The following SH2D4B variants were observed in gnomAD, a reference collection of about 807,000 sequenced individuals.
SH2D4B encodes SH2 domain containing 4B, also known as SH2 domain-containing protein 4B.
A neutral mutation model predicts 61.5 loss-of-function variants in SH2D4B; 45 were observed. That is an observed-to-expected ratio of 0.73 (90% confidence interval 0.58 to 0.94). The LOEUF (loss-of-function observed/expected upper bound fraction) is 0.94. SH2D4B is among the 40% of genes least tolerant of loss of function. The probability of loss-of-function intolerance (pLI) is 0.00; values close to 1 mark genes in which losing one functional copy is unlikely to be tolerated. For synonymous variants in SH2D4B, 224 were observed against 220.4 expected, an observed-to-expected ratio of 1.02 and a Z score of -0.14; for missense variants, 572 against 574.2, an observed-to-expected ratio of 1.00 and a Z score of 0.04.
chr10:80,579,227 A>G (rs1220992786), intron 3 of SH2D4B, among the ~76,000 whole-genome samples: 1 of 152,152 alleles, frequency 6.6e-6, no homozygotes, highest in African/African-American at 2.4e-5. Flanking sequence ...GTCATGGAAA[A>G]GGTAATAATG....
chr10:80,542,398 CTTTTTTT>C (rs554328250), intron 1 of SH2D4B, among the ~76,000 whole-genome samples: 1 of 119,380 alleles, frequency 8.4e-6, no homozygotes, highest in African/African-American at 4.0e-5. Context: ...TCAGTTCTAT[CTTTTTTT>C]TTTTTTTTTT....
intron 1 of SH2D4B, among the ~76,000 whole-genome samples, chr10:80,567,081 C>T (rs895373475): frequency 6.6e-6 from 1 of 152,132 alleles, no homozygotes. Context: ...TTCTGTGTGG[C>T]TTGCTTTCGA....
At chr10:80,640,860 G>T (rs960211701) in intron 7 of SH2D4B, among the ~76,000 whole-genome samples, 3 of 152,174 alleles carry the variant, frequency 2.0e-5, no homozygotes, top group Admixed American at 2.0e-4. Context: ...TCCTTTAGAG[G>T]AGAAGAGGCG....
intron 4 of SH2D4B, among the ~76,000 whole-genome samples, chr10:80,602,474 A>G (rs1302779667): frequency 6.6e-6 from 1 of 152,178 alleles, no homozygotes; most frequent in East Asian, 1.9e-4. Flanking sequence ...AAAAATGAAT[A>G]TATACACATC....
intron 1 of SH2D4B, among the ~76,000 whole-genome samples, chr10:80,543,901 A>T (rs563752763): frequency 5.3e-5 from 8 of 151,780 alleles, no homozygotes; most frequent in African/African-American, 1.7e-4. Context: ...TCTGGTGGGG[A>T]TGTGGAGAAC....
intron 6 of SH2D4B, among the ~76,000 whole-genome samples, chr10:80,620,128 T>C (rs917192297): frequency 6.6e-6 from 1 of 152,240 alleles, no homozygotes; most frequent in Admixed American, 6.5e-5. Context: ...AAGGCTGATA[T>C]GGTTGGGCTC....
At chr10:80,603,821 G>A (rs1220637363) in intron 5 of SH2D4B, 26 bp downstream of exon 5, 5 of 1,595,502 alleles carry the variant, frequency 3.1e-6, no homozygotes, top group East Asian at 2.2e-5. Context: ...GTGTTGGTGT[G>A]GTTGGGGCAA....
Position 80,598,516 on chromosome 10 carries a change from C to G in SH2D4B, c.644-5063C>G, listed in dbSNP as rs1589350932. The stretch of plus-strand genomic sequence containing the variant: ...AGAATGATGAGTTAAACTCCAGAGC[C>G]TGTCATTCACATTCAACAAAACCAT... On this transcript the variant is annotated intron_variant, in intron 4 of 7. Coordinates refer to ENST00000646907, the MANE Select transcript of SH2D4B (RefSeq NM_001388272.1). Among the ~76,000 whole-genome samples, 3 of 152,294 alleles carry G rather than the reference C, an allele frequency of 2.0e-5. No individual in the cohort carries two copies. The South Asian group carries it at 6.2e-4, about 32-fold the overall frequency.
At chr10:80,605,031 G>T (rs1437708083) in intron 5 of SH2D4B, among the ~76,000 whole-genome samples, 1 of 152,160 alleles carries the variant, frequency 6.6e-6, no homozygotes, top group East Asian at 1.9e-4. Context: ...CTGACCTTGT[G>T]ATCTGCCCAC....
At chr10:80,587,063 T>G (rs1352923979) in intron 3 of SH2D4B, among the ~76,000 whole-genome samples, 2 of 148,402 alleles carry the variant, frequency 1.3e-5, no homozygotes, top group Non-Finnish European at 3.0e-5. Context: ...ACTGTAACAC[T>G]CACCTCGAGG....
chr10:80,610,590 C>T (rs1183863686), intron 6 of SH2D4B, among the ~76,000 whole-genome samples: 1 of 152,184 alleles, frequency 6.6e-6, no homozygotes, highest in African/African-American at 2.4e-5. Flanking sequence ...TTAGGCCTCT[C>T]TGTATTCAGC....
intron 4 of SH2D4B, among the ~76,000 whole-genome samples, chr10:80,589,127 C>A (rs1037873989): frequency 2.0e-5 from 3 of 151,990 alleles, no homozygotes; most frequent in African/African-American, 7.2e-5. Context: ...CCTCAGCCTC[C>A]CAAGTAGCTG....
At chr10:80,635,993 C>T (rs550130883) in intron 7 of SH2D4B, among the ~76,000 whole-genome samples, 42 of 152,296 alleles carry the variant, frequency 2.8e-4, no homozygotes, top group Non-Finnish European at 4.9e-4. Flanking sequence ...GTTCCCTGCC[C>T]TGTGTCCAAG....
intron 6 of SH2D4B, among the ~76,000 whole-genome samples, chr10:80,616,107 A>G (rs1842657001): frequency 6.9e-6 from 1 of 145,074 alleles, no homozygotes; most frequent in African/African-American, 2.9e-5. Flanking sequence ...TAGCCTTCCA[A>G]AAAAAAAGTG....
chr10:80,616,009 A>G (rs1842655870), intron 6 of SH2D4B, among the ~76,000 whole-genome samples: 1 of 152,216 alleles, frequency 6.6e-6, no homozygotes, highest in African/African-American at 2.4e-5. Context: ...AAGGTGGTTC[A>G]TCTCTTTATG....
rs750498313 is a variant in SH2D4B at position 80,644,041 on chromosome 10, G to T, written c.1258G>T (p.Gly420Ter). ...SGGELLQEPC[G>*]QRDSPPDYHL... Reference sequence around the variant, plus strand: ...AGGAGAGTTACTTCAGGAACCCTGCGGACAGAGGGACAGCCCACCAGACTA... The same window carrying T: ...AGGAGAGTTACTTCAGGAACCCTGCTGACAGAGGGACAGCCCACCAGACTA... The change falls in exon 8 of 8, where the codon GGA (glycine) becomes TGA (stop). Residue 420 changes from glycine to a stop codon, truncating the protein, a stop_gained. Coordinates refer to ENST00000646907, the MANE Select transcript of SH2D4B (RefSeq NM_001388272.1). LOFTEE classifies it high-confidence loss of function. The T allele has an allele frequency of 6.2e-7, 1 of 1,613,738 alleles. No individual in the cohort carries two copies.
At chr10:80,629,544 TTGA>T (rs1434047195) in intron 6 of SH2D4B, among the ~76,000 whole-genome samples, 1 of 152,146 alleles carries the variant, frequency 6.6e-6, no homozygotes, top group African/African-American at 2.4e-5. Context: ...CAGCCTATGT[TTGA>T]GAGAATTGAG....
At chr10:80,570,977 T>G (rs937237741) in intron 2 of SH2D4B, among the ~76,000 whole-genome samples, 1 of 152,080 alleles carries the variant, frequency 6.6e-6, no homozygotes, top group Non-Finnish European at 1.5e-5. Flanking sequence ...TGGGCTCAAG[T>G]GATCCTCCCG....
At chr10:80,556,241 G>A (rs1438958119) in intron 1 of SH2D4B, among the ~76,000 whole-genome samples, 1 of 152,008 alleles carries the variant, frequency 6.6e-6, no homozygotes, top group Non-Finnish European at 1.5e-5. Flanking sequence ...AATTGACCAT[G>A]TACGTGTGGG....
Sources: allele counts gnomAD v4.1 joint callset (sites outside exome capture counted in the v4.1 genomes callset), GRCh38; gene constraint gnomAD v4.1.1; transcripts MANE v1.5; gene names NCBI Gene and HGNC (gene_info 2026-07-23, HGNC 2026-07-21).